HPSE2: variants seen among roughly 807,000 people sequenced by gnomAD.
HPSE2 encodes inactive heparanase-2.
In HPSE2, 38 loss-of-function variants were observed where a neutral mutation model predicts 60.5. That is an observed-to-expected ratio of 0.63 (90% confidence interval 0.48 to 0.82). HPSE2 has a LOEUF of 0.82. Ranked by LOEUF, HPSE2 falls within the 40% of genes least tolerant of loss-of-function variation. The pLI, the probability that HPSE2 is intolerant of heterozygous loss-of-function variation, is 0.00. For missense variants in HPSE2, 713 were observed against 740.4 expected (o/e 0.96, Z 0.43); for synonymous variants, 295 against 293.2 (o/e 1.01, Z -0.06).
chr10:98,937,351 A>G lies in HPSE2; in HGVS notation c.611-193295T>C, dbSNP rs1386212171. On this transcript the variant is annotated intron_variant, in intron 3 of 11. Coordinates refer to ENST00000370552, the MANE Select transcript of HPSE2 (RefSeq NM_021828.5). Reference sequence around the variant, plus strand: ...TCCTAGTCAAAGAAAGGGGTGACAGACGGCACCTGGAAATTCGGGTCACTC... The same window carrying G: ...TCCTAGTCAAAGAAAGGGGTGACAGGCGGCACCTGGAAATTCGGGTCACTC... Among the ~76,000 whole-genome samples, 4 of 144,484 alleles carry G rather than the reference A, an allele frequency of 2.8e-5. 1 individual carries two copies. The highest frequency in any genetic ancestry group is 4.5e-5 in the Non-Finnish European group (3 of 67,216). 94.8% of individuals were successfully genotyped at this position (144,484 alleles called of 152,430 possible). A position where few individuals can be genotyped will look rare whatever the true frequency, so the allele number is the denominator to read the frequency against.
At chr10:98,878,235 G>A (rs1015671332) in intron 3 of HPSE2, among the ~76,000 whole-genome samples, 1 of 152,002 alleles carries the variant, frequency 6.6e-6, no homozygotes, top group Non-Finnish European at 1.5e-5. Context: ...TATAGCCAAT[G>A]TACAGAATGC....
chr10:99,151,455 A>C (rs1589736107), intron 2 of HPSE2, among the ~76,000 whole-genome samples: 1 of 152,210 alleles, frequency 6.6e-6, no homozygotes, highest in East Asian at 1.9e-4. Context: ...AAAACATTCA[A>C]AATTTGATAA....
intron 3 of HPSE2, among the ~76,000 whole-genome samples, chr10:98,776,278 C>CAAAAAAAAAAAAAA (rs35176062): frequency 7.3e-6 from 1 of 137,084 alleles, no homozygotes. Flanking sequence ...ACTAAAAATA[C>CAAAAAAAAAAAAAA]AAAAAAAAAA....
At chr10:98,560,285 C>T (rs1346152193) in intron 9 of HPSE2, among the ~76,000 whole-genome samples, 1 of 152,176 alleles carries the variant, frequency 6.6e-6, no homozygotes. Flanking sequence ...AGGCACCACC[C>T]ACTGCTTTCT....
chr10:98,827,449 G>A (rs572519233), intron 3 of HPSE2, among the ~76,000 whole-genome samples: 36 of 152,108 alleles, frequency 2.4e-4, no homozygotes, highest in African/African-American at 7.2e-4. Flanking sequence ...TTCGTGATCC[G>A]CCCACCTCGG....
At chr10:98,681,561 A>T (rs1947788343) in intron 6 of HPSE2, among the ~76,000 whole-genome samples, 1 of 152,230 alleles carries the variant, frequency 6.6e-6, no homozygotes, top group South Asian at 2.1e-4. Flanking sequence ...CTAACTTTTA[A>T]GAAACTATCA....
At chr10:98,991,833 C>T (rs931132805) in intron 3 of HPSE2, among the ~76,000 whole-genome samples, 4 of 152,106 alleles carry the variant, frequency 2.6e-5, no homozygotes, top group African/African-American at 9.7e-5. Flanking sequence ...GTAAAGTAAA[C>T]CCAGTTAGCA....
the HPSE2 span, among the ~76,000 whole-genome samples, chr10:99,258,671 C>T: frequency 6.6e-6 from 1 of 152,096 alleles, no homozygotes; most frequent in Admixed American, 6.5e-5. Context: ...TTATTGGCAT[C>T]AAGACAAATA....
chr10:98,511,776 G>C (rs1242439192), intron 9 of HPSE2, among the ~76,000 whole-genome samples: 2 of 152,130 alleles, frequency 1.3e-5, no homozygotes, highest in Non-Finnish European at 2.9e-5. Context: ...TGTTGAGAAT[G>C]AAATAACTGC....
At chr10:98,606,160 C>T (rs1335742929) in intron 9 of HPSE2, among the ~76,000 whole-genome samples, 3 of 152,138 alleles carry the variant, frequency 2.0e-5, no homozygotes, top group African/African-American at 7.2e-5. Flanking sequence ...AAGTGTCTGG[C>T]ACATACTAGG....
chr10:98,926,763 G>C (rs1954476780), intron 3 of HPSE2, among the ~76,000 whole-genome samples: 1 of 152,156 alleles, frequency 6.6e-6, no homozygotes, highest in Admixed American at 6.5e-5. Flanking sequence ...GATACATCTT[G>C]TCCCTTACTT....
the HPSE2 span, among the ~76,000 whole-genome samples, chr10:99,281,159 TAAAC>T: frequency 1.3e-5 from 2 of 149,906 alleles, no homozygotes; most frequent in Non-Finnish European, 3.0e-5. Context: ...TTATTATTGT[TAAAC>T]AATAACTTAT....
At chr10:98,740,430 C>G (rs1949469879) in intron 4 of HPSE2, among the ~76,000 whole-genome samples, 1 of 152,120 alleles carries the variant, frequency 6.6e-6, no homozygotes, top group South Asian at 2.1e-4. Context: ...ATCTTGGCCT[C>G]CCAAAGTGCT....
At position 98,744,072 on chromosome 10, in the gene HPSE2, G is replaced by C. The variant is rs1297815080; in HGVS notation, c.611-16C>G. On this transcript the variant is annotated splice_polypyrimidine_tract_variant and intron_variant, in intron 3 of 11. Transcript: ENST00000370552. ...AGAGACCTGGCTGGGAAGAAGCAGA[G>C]AAAGGCTTGTAACTTTCAAATCAAC... is the stretch of plus-strand genomic sequence containing the variant. 1 of 1,612,134 alleles carries C rather than the reference G, an allele frequency of 6.2e-7. No individual in the cohort carries two copies. The highest frequency in any genetic ancestry group is 1.7e-5 in the Admixed American group (1 of 59,754).
chr10:98,866,719 A>G (rs763034457), intron 3 of HPSE2, among the ~76,000 whole-genome samples: 1 of 152,042 alleles, frequency 6.6e-6, no homozygotes, highest in Non-Finnish European at 1.5e-5. Flanking sequence ...TAAAGTACTT[A>G]AAGAATAAAA....
In HPSE2 at chr10:98,618,317, TTC is replaced by T. The variant is rs1381682071; in HGVS notation, c.1205+2283_1205+2284del. On this transcript the variant is annotated intron_variant, in intron 8 of 11. Coordinates refer to ENST00000370552, the MANE Select transcript of HPSE2 (RefSeq NM_021828.5). ...TTGGCTGATGCTCATGAAAAGGCAG[TTC>T]TCTTTTCCAACTTCCTCCATGAAGG... is the stretch of plus-strand genomic sequence containing the variant. Among the ~76,000 whole-genome samples, 14 of 152,176 alleles carry T rather than the reference TTC, an allele frequency of 9.2e-5. 1 individual carries two copies. The highest frequency in any genetic ancestry group is 2.6e-4 in the Admixed American group (4 of 15,284).
intron 3 of HPSE2, among the ~76,000 whole-genome samples, chr10:98,814,388 C>A (rs1951238237): frequency 6.6e-6 from 1 of 152,050 alleles, no homozygotes; most frequent in Admixed American, 6.6e-5. Flanking sequence ...TTGTCTATTT[C>A]TCTGTTCCAT....
At chr10:98,658,600 C>A (rs1228983855) in intron 6 of HPSE2, among the ~76,000 whole-genome samples, 1 of 151,046 alleles carries the variant, frequency 6.6e-6, no homozygotes, top group Non-Finnish European at 1.5e-5. Flanking sequence ...TTTAAGAAAT[C>A]TTTGCCTACC....
the HPSE2 span, among the ~76,000 whole-genome samples, chr10:99,306,574 C>T: frequency 6.6e-6 from 1 of 152,182 alleles, no homozygotes; most frequent in Non-Finnish European, 1.5e-5. Context: ...TTAGTCCCAA[C>T]ATATGAATGA....
Sources: gnomAD v4.1 joint callset for allele counts (sites outside exome capture counted in the v4.1 genomes callset) on GRCh38, gnomAD v4.1.1 for gene constraint, MANE v1.5 for transcripts, NCBI Gene and HGNC (gene_info 2026-07-23, HGNC 2026-07-21) for gene names.